EHMT1: variants seen among roughly 807,000 people sequenced by gnomAD.
EHMT1 encodes euchromatic histone lysine methyltransferase 1.
A neutral mutation model predicts 147.2 loss-of-function variants in EHMT1; 15 were observed. The observed-to-expected ratio is 0.10, with a 90% CI of 0.07 to 0.16. The LOEUF is 0.16. Among genes scored for constraint, EHMT1 ranks in the 10% least tolerant of loss-of-function variants. The pLI is 1.00. For missense variants in EHMT1, 1,587 were observed against 1,772.4 expected, an observed-to-expected ratio of 0.90 and a Z score of 1.88; for synonymous variants, 795 against 709.6, an observed-to-expected ratio of 1.12 and a Z score of -1.91.
At position 137,813,215 on chromosome 9, in the gene EHMT1, C is replaced by A; in HGVS notation, c.3035+42C>A. On this transcript the variant is annotated intron_variant, in intron 20 of 26. Transcript: ENST00000460843. The surrounding 1 kb of genome is among the most constrained non-coding windows in gnomAD (Gnocchi z 4.9). The stretch of plus-strand genomic sequence containing the variant: ...GACGGCTTTGTGGCAAATCAGCGGT[C>A]AGCAGGGCTTTGGGAACTTGCGGTG... 1 of 1,599,534 alleles carries A rather than the reference C, an allele frequency of 6.3e-7. No homozygotes were observed. Among genetic ancestry groups the A allele is most frequent in the South Asian group, 1.1e-5 (1 of 90,652 alleles).
At position 137,728,203 on chromosome 9, in the gene EHMT1, G is replaced by GA. The variant is rs1564650159; in HGVS notation, c.643-146_643-145insA. 7 of 1,187,446 alleles carry GA rather than the reference G, an allele frequency of 5.9e-6. No individual in the cohort carries two copies. In the African/African-American group the frequency reaches 9.0e-5, roughly 15 times the overall value. 73.6% of individuals were successfully genotyped at this position (1,187,446 alleles called of 1,614,324 possible). A position where few individuals can be genotyped will look rare whatever the true frequency, so the allele number is the denominator to read the frequency against. ...ACGTGAGGACAGCTGTGCTGTTTCC[G>GA]CTTGCAGACTTTCTCCTCTCTCCAT... On this transcript the variant is annotated intron_variant, in intron 3 of 26. Transcript: ENST00000460843.
chr9:137,753,659 CAT>C (rs1339295759), intron 7 of EHMT1, among the ~76,000 whole-genome samples: 2 of 152,230 alleles, frequency 1.3e-5, no homozygotes, highest in African/African-American at 2.4e-5. Flanking sequence ...CCGTGTGTGA[CAT>C]GTGGCATGGA....
intron 1 of EHMT1, among the ~76,000 whole-genome samples, chr9:137,668,508 AACT>A (rs1379737703): frequency 6.6e-6 from 1 of 152,180 alleles, no homozygotes; most frequent in Admixed American, 6.5e-5. Flanking sequence ...TATATACCAG[AACT>A]ACTAGTACTG....
At chr9:137,679,162 G>T (rs1425654334) in intron 1 of EHMT1, among the ~76,000 whole-genome samples, 2 of 152,128 alleles carry the variant, frequency 1.3e-5, no homozygotes, top group Admixed American at 6.5e-5. Flanking sequence ...TGTTGGCCAG[G>T]CTGGTCTCGA....
intron 1 of EHMT1, among the ~76,000 whole-genome samples, chr9:137,695,232 C>A (rs535114993): frequency 2.0e-5 from 3 of 152,334 alleles, no homozygotes; most frequent in Admixed American, 2.0e-4. Flanking sequence ...GTTTGCTGAT[C>A]TTCTCTGTTG....
At chr9:137,632,554 C>T (rs1203734814) in intron 1 of EHMT1, among the ~76,000 whole-genome samples, 2 of 152,170 alleles carry the variant, frequency 1.3e-5, no homozygotes. Flanking sequence ...CAGATGCGTG[C>T]CACCACACCT....
At chr9:137,793,630 CAG>C (rs1952689901) in intron 16 of EHMT1, among the ~76,000 whole-genome samples, 1 of 152,224 alleles carries the variant, frequency 6.6e-6, no homozygotes, top group South Asian at 2.1e-4. Flanking sequence ...AGCTGAAGGA[CAG>C]AAACAACCCA....
intron 10 of EHMT1, among the ~76,000 whole-genome samples, chr9:137,765,989 G>A (rs924399635): frequency 6.6e-6 from 1 of 152,076 alleles, no homozygotes; most frequent in Non-Finnish European, 1.5e-5. Context: ...TGCCAAGGCC[G>A]GGTGCAGTAG....
At chr9:137,748,212 G>A (rs1948704327) in intron 6 of EHMT1, among the ~76,000 whole-genome samples, 2 of 152,072 alleles carry the variant, frequency 1.3e-5, no homozygotes, top group Admixed American at 1.3e-4. Flanking sequence ...GCTTTGCTGT[G>A]GTGGCTGACA....
intron 1 of EHMT1, among the ~76,000 whole-genome samples, chr9:137,678,496 C>T (rs1030920800): frequency 6.6e-6 from 1 of 152,138 alleles, no homozygotes; most frequent in Non-Finnish European, 1.5e-5. Flanking sequence ...TGTCAGTTCC[C>T]TGCGTGCAGC....
chr9:137,751,930 T>C (rs1388646385), intron 6 of EHMT1, among the ~76,000 whole-genome samples: 1 of 152,212 alleles, frequency 6.6e-6, no homozygotes, highest in Non-Finnish European at 1.5e-5. Flanking sequence ...TGAAAATCTT[T>C]TTATGATTGT....
intron 1 of EHMT1, among the ~76,000 whole-genome samples, chr9:137,625,028 C>T (rs780458784): frequency 6.6e-6 from 1 of 151,954 alleles, no homozygotes; most frequent in Admixed American, 6.6e-5. Context: ...ATTACAGGCT[C>T]CTGCCACCCC....
At chr9:137,645,661 CT>C (rs1046114976) in intron 1 of EHMT1, among the ~76,000 whole-genome samples, 29 of 152,176 alleles carry the variant, frequency 1.9e-4, no homozygotes, top group Admixed American at 9.8e-4. Flanking sequence ...ACACAAGTGT[CT>C]TTTTCACTCG....
intron 1 of EHMT1, among the ~76,000 whole-genome samples, chr9:137,689,861 GGGGCCAGCTCCTGGGCAGGT>G (rs1361250241): frequency 1.3e-5 from 2 of 152,210 alleles, no homozygotes; most frequent in African/African-American, 4.8e-5. Flanking sequence ...TGCAGTTGTG[GGGGCCAGCTCCTGGGCAGGT>G]GCCCACCATG....
intron 18 of EHMT1, among the ~76,000 whole-genome samples, chr9:137,810,422 A>G (rs79695880): frequency 0.011 from 1,685 of 152,292 alleles, 30 homozygotes; most frequent in African/African-American, 0.038. Context: ...CATTCCGTTT[A>G]TCGCTGTTTT....
intron 22 of EHMT1, 93 bp downstream of exon 22, chr9:137,814,601 T>C: frequency 6.9e-7 from 1 of 1,441,310 alleles, no homozygotes; most frequent in Non-Finnish European, 9.6e-7. Context: ...CCCAGCGCTG[T>C]CGTGGCAGCG....
rs377215233 is a variant in EHMT1 at position 137,818,020 on chromosome 9, G to A, written c.3462-40G>A. The A allele has an allele frequency of 5.3e-5, 85 of 1,605,816 alleles. No individual in the cohort carries two copies. In the East Asian group the frequency reaches 1.2e-3, roughly 22 times the overall value. On this transcript the variant is annotated intron_variant, in intron 24 of 26. Coordinates refer to ENST00000460843, the MANE Select transcript of EHMT1 (RefSeq NM_024757.5). ...CTGTGCTTGTCTGTGGGCAGTGCTCGCTGCCTTCCAGGGCCTCACCTGCAC... is the reference window on the plus strand; with the variant it reads ...CTGTGCTTGTCTGTGGGCAGTGCTCACTGCCTTCCAGGGCCTCACCTGCAC...
At chr9:137,727,862 G>A (rs947942158) in intron 3 of EHMT1, among the ~76,000 whole-genome samples, 6 of 152,214 alleles carry the variant, frequency 3.9e-5, no homozygotes, top group Admixed American at 2.0e-4. Context: ...ACCTACTGTG[G>A]GATAAATGCC....
intron 9 of EHMT1, among the ~76,000 whole-genome samples, chr9:137,761,286 T>A (rs1949791492): frequency 2.0e-5 from 3 of 152,234 alleles, no homozygotes; most frequent in Admixed American, 1.3e-4. Context: ...GTTTTATTTT[T>A]CTTTACTATA....
Sources: allele counts gnomAD v4.1 joint callset (sites outside exome capture counted in the v4.1 genomes callset), GRCh38; gene constraint gnomAD v4.1.1; non-coding constraint Gnocchi (gnomAD v3.1); transcripts MANE v1.5; gene names NCBI Gene and HGNC (gene_info 2026-07-23, HGNC 2026-07-21).